The following TTC28 variants were observed in gnomAD, a reference collection of about 807,000 sequenced individuals.
TTC28 encodes the protein tetratricopeptide repeat protein 28.
Under a neutral mutation model 198.0 loss-of-function variants are expected in TTC28, and 61 were observed. The observed-to-expected ratio is 0.31, with a 90% CI of 0.25 to 0.38. TTC28 has a LOEUF of 0.38. Ranked by LOEUF, TTC28 falls within the 10% of genes least tolerant of loss-of-function variation. TTC28 has a pLI of 1.00. For synonymous variants in TTC28, 1,171 were observed against 1,297.8 expected, an observed-to-expected ratio of 0.90 and a Z score of 2.10; for missense variants, 2,678 against 3,164.0, an observed-to-expected ratio of 0.85 and a Z score of 3.69.
chr22:28,128,400 A>G (rs1332273623), intron 6 of TTC28, among the ~76,000 whole-genome samples: 1 of 152,242 alleles, frequency 6.6e-6, no homozygotes, highest in Non-Finnish European at 1.5e-5. Flanking sequence ...CAGTTCTAGC[A>G]AACTGCTTAA....
chr22:28,191,976 C>T (rs1039274311), intron 5 of TTC28, among the ~76,000 whole-genome samples: 2 of 152,214 alleles, frequency 1.3e-5, no homozygotes, highest in Admixed American at 6.5e-5. Context: ...GATCTGAGAA[C>T]GGACAGACTG....
At chr22:28,436,331 G>T (rs1375455409) in intron 2 of TTC28, among the ~76,000 whole-genome samples, 1 of 152,100 alleles carries the variant, frequency 6.6e-6, no homozygotes. Flanking sequence ...CCTCTTCTGT[G>T]CCTATGCCCT....
intron 2 of TTC28, among the ~76,000 whole-genome samples, chr22:28,405,004 G>T (rs1247072760): frequency 2.6e-5 from 4 of 152,156 alleles, no homozygotes; most frequent in Non-Finnish European, 5.9e-5. Flanking sequence ...TGAGACAAGA[G>T]ATTTTATTGA....
chr22:28,653,440 C>T (rs1044792475), intron 1 of TTC28, among the ~76,000 whole-genome samples: 3 of 151,718 alleles, frequency 2.0e-5, no homozygotes, highest in Admixed American at 6.6e-5. Flanking sequence ...GAAGTCAAGA[C>T]TGCAGTGAGC....
intron 2 of TTC28, among the ~76,000 whole-genome samples, chr22:28,482,710 T>A (rs1230864136): frequency 2.0e-5 from 3 of 152,212 alleles, no homozygotes; most frequent in Non-Finnish European, 4.4e-5. Context: ...CCCATACTCA[T>A]TAAGCAGCTT....
In TTC28 at chr22:28,388,569, T is replaced by A. The variant is rs145006955; in HGVS notation, c.382-81926A>T. 9.6e-3 allele frequency among the ~76,000 whole-genome samples: 1,469 copies of A among 152,324 alleles called. 24 individuals carry two copies. The highest frequency in any genetic ancestry group is 0.033 in the African/African-American group (1,369 of 41,558). On this transcript the variant is annotated intron_variant, in intron 2 of 22. Transcript: ENST00000397906. ...TTAAAGAGGTCCTTCACATCCCTTGTAATTTGGATTCCTAGGTATTTTATT... is the reference window on the plus strand; with the variant it reads ...TTAAAGAGGTCCTTCACATCCCTTGAAATTTGGATTCCTAGGTATTTTATT...
chr22:28,472,270 T>C (rs1187629583), intron 2 of TTC28, among the ~76,000 whole-genome samples: 1 of 152,192 alleles, frequency 6.6e-6, no homozygotes, highest in Non-Finnish European at 1.5e-5. Context: ...GACATTTCTT[T>C]AGTTAAATGG....
chr22:28,612,810 ATC>A (rs2050840950), intron 2 of TTC28, among the ~76,000 whole-genome samples: 1 of 152,246 alleles, frequency 6.6e-6, no homozygotes, highest in East Asian at 1.9e-4. Context: ...ATGTGCCAGA[ATC>A]TCTGATACGC....
chr22:28,321,009 T>G (rs1569258566), intron 2 of TTC28, among the ~76,000 whole-genome samples: 3 of 152,344 alleles, frequency 2.0e-5, no homozygotes, highest in Non-Finnish European at 2.9e-5. Context: ...TTATTTTTAT[T>G]TTTAATATAA....
At chr22:28,525,631 TATCTATACTCCATG>T (rs1306017554) in intron 2 of TTC28, among the ~76,000 whole-genome samples, 1 of 152,234 alleles carries the variant, frequency 6.6e-6, no homozygotes, top group Non-Finnish European at 1.5e-5. Flanking sequence ...ATAGCCTGGT[TATCTATACTCCATG>T]AGGCTTCCTA....
chr22:27,995,855 C>A (rs1334311058), intron 17 of TTC28, among the ~76,000 whole-genome samples: 8 of 152,226 alleles, frequency 5.3e-5, no homozygotes, highest in Non-Finnish European at 1.0e-4. Context: ...CACCACACAC[C>A]ATGCCCACCC....
At chr22:27,998,394 C>G in intron 16 of TTC28, 146 bp downstream of exon 16, 1 of 1,324,490 alleles carries the variant, frequency 7.6e-7, no homozygotes, top group African/African-American at 1.5e-5. Context: ...AAGCAAGACT[C>G]AGCACACAGG....
chr22:28,167,440 G>A (rs879129163), intron 5 of TTC28, among the ~76,000 whole-genome samples: 11 of 152,152 alleles, frequency 7.2e-5, no homozygotes, highest in Non-Finnish European at 1.0e-4. Context: ...CTGGCAAACC[G>A]AATCCAGCAG....
chr22:28,076,964 A>G (rs1454577867), intron 12 of TTC28, among the ~76,000 whole-genome samples: 1 of 152,168 alleles, frequency 6.6e-6, no homozygotes. Context: ...GTATTCTGAA[A>G]AGTGTATTTT....
Position 28,024,992 on chromosome 22 carries a change from G to A in TTC28, c.4073+5234C>T, listed in dbSNP as rs1938769402. On this transcript the variant is annotated intron_variant, in intron 13 of 22. Coordinates refer to ENST00000397906, the MANE Select transcript of TTC28 (RefSeq NM_001145418.2). ...CCAAAGAGGCACCAACAAGGAGCAG[G>A]GGAAAGAGATGCAGGACCCCAGCCA... 2.0e-5 allele frequency among the ~76,000 whole-genome samples: 3 copies of A among 152,326 alleles called. No individual in the cohort carries two copies. In the South Asian group the frequency reaches 6.2e-4, roughly 32 times the overall value.
intron 2 of TTC28, among the ~76,000 whole-genome samples, chr22:28,381,154 GA>G (rs1244642059): frequency 1.3e-5 from 2 of 149,238 alleles, no homozygotes; most frequent in Non-Finnish European, 3.0e-5. Flanking sequence ...AAAAAGAAAA[GA>G]AAAAAAAGTG....
chr22:28,332,331 T>C (rs2045629764), intron 2 of TTC28, among the ~76,000 whole-genome samples: 1 of 151,954 alleles, frequency 6.6e-6, no homozygotes, highest in Non-Finnish European at 1.5e-5. Context: ...CCTTGTTAAT[T>C]ATAAAATTGT....
chr22:28,052,748 G>T (rs1344340085), intron 12 of TTC28, among the ~76,000 whole-genome samples: 2 of 152,206 alleles, frequency 1.3e-5, no homozygotes, highest in East Asian at 3.8e-4. Context: ...AATGTCTACA[G>T]ATGTGAAAAT....
At chr22:28,460,880 C>T (rs1410363892) in intron 2 of TTC28, among the ~76,000 whole-genome samples, 2 of 152,036 alleles carry the variant, frequency 1.3e-5, no homozygotes, top group East Asian at 1.9e-4. Context: ...AGACGGGTTT[C>T]GCCATGTTGC....
Sources: allele counts gnomAD v4.1 joint callset (sites outside exome capture counted in the v4.1 genomes callset), GRCh38; gene constraint gnomAD v4.1.1; transcripts MANE v1.5; gene names NCBI Gene and HGNC (gene_info 2026-07-23, HGNC 2026-07-21).